The following CSGALNACT1 variants were observed in gnomAD, a reference collection of about 807,000 sequenced individuals.
The protein encoded by CSGALNACT1 is beta4GalNAcT-1.
Under a neutral mutation model 51.0 loss-of-function variants are expected in CSGALNACT1, and 52 were observed. The ratio of observed to expected loss-of-function variants is 1.02; its 90% CI spans 0.82 to 1.29. The LOEUF (loss-of-function observed/expected upper bound fraction) is 1.29. Among genes scored for constraint, CSGALNACT1 ranks in the 50% most tolerant of loss-of-function variants. The pLI is 0.00. For missense variants in CSGALNACT1, 935 were observed against 679.2 expected (o/e 1.38, Z -4.19); for synonymous variants, 341 against 254.4 (o/e 1.34, Z -3.24).
At position 19,416,317 on chromosome 8, in the gene CSGALNACT1, GT is replaced by G. The variant is rs373994943; in HGVS notation, c.1227+2338del. The stretch of plus-strand genomic sequence containing the variant: ...TTTAGTAGAGATGGGGTTTCATCAT[GT>G]TAGCCAGGCTGGTCTCGAACTCCTG... On this transcript the variant is annotated intron_variant, in intron 8 of 9. Transcript: ENST00000454498. 1.4e-3 allele frequency among the ~76,000 whole-genome samples: 209 copies of G among 152,172 alleles called. 7 individuals carry two copies. The South Asian group carries it at 0.039, about 28-fold the overall frequency.
intron 4 of CSGALNACT1, among the ~76,000 whole-genome samples, chr8:19,473,478 C>T (rs904405490): frequency 7.9e-5 from 12 of 152,192 alleles, no homozygotes; most frequent in African/African-American, 2.9e-4. Context: ...TCTCCTGGCT[C>T]TTCCAGACAG....
At chr8:19,484,018 T>C (rs2072201870) in intron 4 of CSGALNACT1, among the ~76,000 whole-genome samples, 1 of 152,158 alleles carries the variant, frequency 6.6e-6, no homozygotes, top group Admixed American at 6.5e-5. Context: ...GAATCATCAC[T>C]TTGTCCTGCA....
intron 3 of CSGALNACT1, among the ~76,000 whole-genome samples, chr8:19,574,442 A>C (rs1194050601): frequency 6.6e-6 from 1 of 152,210 alleles, no homozygotes; most frequent in African/African-American, 2.4e-5. Flanking sequence ...ACAGAACCAA[A>C]AAGCTATGCT....
intron 1 of CSGALNACT1, among the ~76,000 whole-genome samples, chr8:19,754,148 C>T (rs1477370917): frequency 6.6e-6 from 1 of 152,168 alleles, no homozygotes; most frequent in African/African-American, 2.4e-5. Flanking sequence ...CTGCCTCAGC[C>T]TCCCGGGTAG....
At chr8:19,596,822 T>A (rs887966045) in intron 2 of CSGALNACT1, among the ~76,000 whole-genome samples, 2 of 152,244 alleles carry the variant, frequency 1.3e-5, no homozygotes, top group African/African-American at 4.8e-5. Context: ...TTATTTTTAA[T>A]TGTAAAATTC....
At chr8:19,723,297 T>C (rs1230888775) in intron 1 of CSGALNACT1, among the ~76,000 whole-genome samples, 2 of 152,246 alleles carry the variant, frequency 1.3e-5, no homozygotes, top group African/African-American at 4.8e-5. Flanking sequence ...GTGTTTAATA[T>C]TGTTAACGTG....
chr8:19,503,310 A>G (rs1167499287), intron 4 of CSGALNACT1, among the ~76,000 whole-genome samples: 1 of 152,228 alleles, frequency 6.6e-6, no homozygotes, highest in African/African-American at 2.4e-5. Flanking sequence ...ATGTGTCTCT[A>G]AAAGAAGGTC....
chr8:19,422,892 C>G (rs1446381754), intron 6 of CSGALNACT1, among the ~76,000 whole-genome samples: 1 of 152,168 alleles, frequency 6.6e-6, no homozygotes, highest in Non-Finnish European at 1.5e-5. Context: ...GTCCATCTTG[C>G]TTTAACTTTC....
At chr8:19,636,932 C>G (rs918275356) in intron 1 of CSGALNACT1, among the ~76,000 whole-genome samples, 2 of 151,996 alleles carry the variant, frequency 1.3e-5, no homozygotes, top group South Asian at 2.1e-4. Flanking sequence ...GTGGCTCAAG[C>G]TTGTAATCGC....
chr8:19,516,000 T>C (rs2079451573), intron 3 of CSGALNACT1, among the ~76,000 whole-genome samples: 1 of 152,158 alleles, frequency 6.6e-6, no homozygotes, highest in African/African-American at 2.4e-5. Context: ...CATGTGGGGC[T>C]GAGTCAGCTG....
In CSGALNACT1 at chr8:19,668,051, A is replaced by G. The variant is rs186422216; in HGVS notation, c.-544+14422T>C. Among the ~76,000 whole-genome samples the G allele has an allele frequency of 7.8e-4, 119 of 152,354 alleles. 1 individual carries two copies. Among genetic ancestry groups the G allele is most frequent in the Non-Finnish European group, 1.1e-3 (76 of 68,036 alleles). On this transcript the variant is annotated intron_variant, in intron 1 of 9. Transcript: ENST00000332246. ...AAGAATATAAAAACTTGACCAGCAT[A>G]TATTACATCCTTTAACTTTTCCAGA...
intron 1 of CSGALNACT1, among the ~76,000 whole-genome samples, chr8:19,723,150 G>A (rs1371199517): frequency 6.6e-6 from 1 of 152,100 alleles, no homozygotes; most frequent in African/African-American, 2.4e-5. Flanking sequence ...CTTATTTTGG[G>A]CTCTGGCCCA....
intron 1 of CSGALNACT1, among the ~76,000 whole-genome samples, chr8:19,717,619 A>C (rs996528054): frequency 1.3e-5 from 2 of 152,168 alleles, no homozygotes; most frequent in Non-Finnish European, 2.9e-5. Flanking sequence ...TTAAGATAGA[A>C]TCAAACAGCT....
chr8:19,704,916 G>A (rs1218402430), intron 1 of CSGALNACT1, among the ~76,000 whole-genome samples: 3 of 152,136 alleles, frequency 2.0e-5, no homozygotes, highest in Non-Finnish European at 2.9e-5. Context: ...GACTAAAAGG[G>A]TAGTTACTGT....
intron 3 of CSGALNACT1, among the ~76,000 whole-genome samples, chr8:19,525,751 T>C (rs540190380): frequency 6.6e-6 from 1 of 150,752 alleles, no homozygotes; most frequent in Admixed American, 6.6e-5. Context: ...TCGGAGCACA[T>C]TTGAGGTACA....
intron 1 of CSGALNACT1, among the ~76,000 whole-genome samples, chr8:19,632,674 T>C (rs570843262): frequency 6.6e-6 from 1 of 152,156 alleles, no homozygotes; most frequent in Non-Finnish European, 1.5e-5. Context: ...AATACTCACA[T>C]CTCAGCAGTG....
intron 3 of CSGALNACT1, among the ~76,000 whole-genome samples, chr8:19,539,334 G>T (rs777500954): frequency 1.3e-5 from 2 of 152,100 alleles, no homozygotes; most frequent in Non-Finnish European, 2.9e-5. Flanking sequence ...TTCATAGAAA[G>T]AAACTATCTG....
At chr8:19,694,414 C>T (rs1286159582) in intron 1 of CSGALNACT1, among the ~76,000 whole-genome samples, 1 of 152,216 alleles carries the variant, frequency 6.6e-6, no homozygotes, top group Non-Finnish European at 1.5e-5. Context: ...CCTTAACAAC[C>T]AACCTTAGAA....
intron 1 of CSGALNACT1, among the ~76,000 whole-genome samples, chr8:19,735,987 T>C (rs1394804291): frequency 6.6e-6 from 1 of 152,214 alleles, no homozygotes; most frequent in Non-Finnish European, 1.5e-5. Context: ...GGTAAGTTTA[T>C]GGGTATTTCA....
Sources: allele counts gnomAD v4.1 joint callset (sites outside exome capture counted in the v4.1 genomes callset), GRCh38; gene constraint gnomAD v4.1.1; transcripts MANE v1.5; gene names NCBI Gene and HGNC (gene_info 2026-07-23, HGNC 2026-07-21).